Variants in BRINP3 observed in about 807,000 individuals in gnomAD.
BRINP3 encodes the protein BMP/retinoic acid inducible neural specific 3.
In BRINP3, 19 loss-of-function variants were observed where a neutral mutation model predicts 71.0. That is an observed-to-expected ratio of 0.27 (90% CI 0.19 to 0.39). The LOEUF is 0.39. Ranked by LOEUF, BRINP3 falls within the 10% of genes least tolerant of loss-of-function variation. The probability of loss-of-function intolerance (pLI) is 1.00; values close to 1 mark genes in which losing one functional copy is unlikely to be tolerated. For synonymous variants in BRINP3, 380 were observed against 337.7 expected, an observed-to-expected ratio of 1.13 and a Z score of -1.37; for missense variants, 959 against 940.8, an observed-to-expected ratio of 1.02 and a Z score of -0.25.
At chr1:190,117,643 A>C (rs566481847) in intron 7 of BRINP3, among the ~76,000 whole-genome samples, 1 of 152,066 alleles carries the variant, frequency 6.6e-6, no homozygotes, top group Admixed American at 6.6e-5. Flanking sequence ...TATATCCTCA[A>C]ATTTTAAAAA....
intron 4 of BRINP3, among the ~76,000 whole-genome samples, chr1:190,251,715 T>C (rs1165970013): frequency 6.6e-6 from 1 of 151,848 alleles, no homozygotes; most frequent in Non-Finnish European, 1.5e-5. Context: ...ATAAATCAAA[T>C]TCAGAACAAT....
At chr1:190,155,311 G>T (rs147806090) in intron 7 of BRINP3, among the ~76,000 whole-genome samples, 1,702 of 151,914 alleles carry the variant, frequency 0.011, 36 homozygotes, top group African/African-American at 0.039. Context: ...TTAATTGCTT[G>T]CTGCAGCCTG....
chr1:190,258,598 C>T (rs1230079144), intron 4 of BRINP3, among the ~76,000 whole-genome samples: 1 of 152,118 alleles, frequency 6.6e-6, no homozygotes, highest in Non-Finnish European at 1.5e-5. Flanking sequence ...AGGGATATTA[C>T]TACTGGCCTT....
At chr1:190,447,001 A>T (rs894815032) in intron 2 of BRINP3, among the ~76,000 whole-genome samples, 7 of 151,936 alleles carry the variant, frequency 4.6e-5, no homozygotes, top group African/African-American at 1.4e-4. Flanking sequence ...AAAGATGAAA[A>T]AGTTCTGTCT....
intron 2 of BRINP3, among the ~76,000 whole-genome samples, chr1:190,307,894 G>A (rs1255351064): frequency 1.3e-5 from 2 of 151,894 alleles, no homozygotes; most frequent in Non-Finnish European, 2.9e-5. Flanking sequence ...CGTTGAACTG[G>A]CAAGAAAATT....
At chr1:190,216,116 T>C (rs1321450772) in intron 6 of BRINP3, among the ~76,000 whole-genome samples, 3 of 151,696 alleles carry the variant, frequency 2.0e-5, no homozygotes, top group Admixed American at 2.0e-4. Context: ...GCAATTTTGG[T>C]AATTATTTGC....
At chr1:190,327,495 A>G (rs1666689247) in intron 2 of BRINP3, among the ~76,000 whole-genome samples, 1 of 150,616 alleles carries the variant, frequency 6.6e-6, no homozygotes, top group Admixed American at 6.6e-5. Context: ...AAGAAAAAAA[A>G]AAAAAAGCGA....
At chr1:190,226,684 T>C (rs558955157) in intron 5 of BRINP3, among the ~76,000 whole-genome samples, 2 of 152,108 alleles carry the variant, frequency 1.3e-5, no homozygotes, top group South Asian at 4.1e-4. Flanking sequence ...ACCAGTTGAT[T>C]TCAAATGGTT....
At chr1:190,463,815 T>C (rs935491559) in intron 1 of BRINP3, among the ~76,000 whole-genome samples, 9 of 151,912 alleles carry the variant, frequency 5.9e-5, no homozygotes, top group Non-Finnish European at 1.2e-4. Context: ...CTTTACATTT[T>C]TTATTTAAAG....
chr1:190,327,566 G>GA (rs1178512571), intron 2 of BRINP3, among the ~76,000 whole-genome samples: 8 of 149,388 alleles, frequency 5.4e-5, no homozygotes, highest in African/African-American at 1.2e-4. Context: ...AGTAAAAAAG[G>GA]AAAAAATATA....
At position 190,175,047 on chromosome 1, in the gene BRINP3, C is replaced by T. The variant is rs148612226; in HGVS notation, c.962-14157G>A. Among the ~76,000 whole-genome samples the T allele has an allele frequency of 7.7e-4, 117 of 152,220 alleles. 1 individual carries two copies. The highest frequency in any genetic ancestry group is 2.4e-3 in the African/African-American group (100 of 41,536). On this transcript the variant is annotated intron_variant, in intron 6 of 7. Coordinates refer to ENST00000367462, the MANE Select transcript of BRINP3 (RefSeq NM_199051.3). Reference sequence around the variant, plus strand: ...AAAGATATAAATGATACTGCATGGCCTGAGAGCCCGATGCTTTGCAGACTC... The same window carrying T: ...AAAGATATAAATGATACTGCATGGCTTGAGAGCCCGATGCTTTGCAGACTC...
intron 2 of BRINP3, among the ~76,000 whole-genome samples, chr1:190,427,087 CTT>C (rs945476272): frequency 1.3e-5 from 2 of 151,772 alleles, no homozygotes; most frequent in Admixed American, 6.6e-5. Flanking sequence ...ACATCAAAGA[CTT>C]TGTGTATTAC....
chr1:190,138,909 C>A (rs1172936416), intron 7 of BRINP3, among the ~76,000 whole-genome samples: 1 of 152,092 alleles, frequency 6.6e-6, no homozygotes, highest in Non-Finnish European at 1.5e-5. Context: ...ATGGCGGCAG[C>A]AGGGACAGGC....
intron 2 of BRINP3, among the ~76,000 whole-genome samples, chr1:190,435,471 A>C (rs557417989): frequency 4.6e-5 from 7 of 152,166 alleles, no homozygotes; most frequent in African/African-American, 1.7e-4. Flanking sequence ...GCAGACCAAA[A>C]AATAATTATA....
chr1:190,296,513 A>G (rs1664265007), intron 2 of BRINP3, among the ~76,000 whole-genome samples: 1 of 152,160 alleles, frequency 6.6e-6, no homozygotes, highest in African/African-American at 2.4e-5. Flanking sequence ...CAGGAACAAC[A>G]CAAGGCTGCC....
intron 2 of BRINP3, among the ~76,000 whole-genome samples, chr1:190,383,233 T>G (rs893273054): frequency 3.9e-5 from 6 of 152,174 alleles, no homozygotes; most frequent in African/African-American, 1.4e-4. Flanking sequence ...AACTTAATTT[T>G]CTTGTTACAG....
chr1:190,362,282 G>T (rs1669199563), intron 2 of BRINP3: 1 of 152,164 alleles, frequency 6.6e-6, no homozygotes, highest in African/African-American at 2.4e-5. Context: ...TAATAAGCAC[G>T]GTCTTAAGTT....
chr1:190,381,238 A>G (rs1411700762), intron 2 of BRINP3, among the ~76,000 whole-genome samples: 1 of 152,080 alleles, frequency 6.6e-6, no homozygotes, highest in Non-Finnish European at 1.5e-5. Context: ...TCACTATGTC[A>G]ATATTTTGCT....
chr1:190,219,920 G>C (rs185045534), intron 6 of BRINP3, among the ~76,000 whole-genome samples: 1 of 151,230 alleles, frequency 6.6e-6, no homozygotes, highest in African/African-American at 2.4e-5. Flanking sequence ...GCAAACAAAT[G>C]AAAAACATGA....
Sources: gnomAD v4.1 joint callset for allele counts (sites outside exome capture counted in the v4.1 genomes callset) on GRCh38, gnomAD v4.1.1 for gene constraint, MANE v1.5 for transcripts, NCBI Gene and HGNC (gene_info 2026-07-23, HGNC 2026-07-21) for gene names.